Variants in PTK2 observed in about 807,000 individuals in gnomAD.
The protein encoded by PTK2 is focal adhesion kinase 1.
In PTK2, 45 loss-of-function variants were observed where a neutral mutation model predicts 150.1. The ratio of observed to expected loss-of-function variants is 0.30; its 90% CI spans 0.24 to 0.38. PTK2 has a LOEUF of 0.38. Among genes scored for constraint, PTK2 ranks in the 10% least tolerant of loss-of-function variants. PTK2 has a pLI of 1.00. For synonymous variants in PTK2, 432 were observed against 449.2 expected (o/e 0.96, Z 0.48); for missense variants, 919 against 1,307.3 (o/e 0.70, Z 4.58).
intron 29 of PTK2, among the ~76,000 whole-genome samples, chr8:140,671,417 T>C (rs2095386987): frequency 6.6e-6 from 1 of 152,126 alleles, no homozygotes; most frequent in Non-Finnish European, 1.5e-5. Flanking sequence ...AGACAGGGTT[T>C]TGCCATGTTG....
At chr8:140,706,703 G>A (rs1439865484) in intron 23 of PTK2, among the ~76,000 whole-genome samples, 2 of 152,096 alleles carry the variant, frequency 1.3e-5, no homozygotes, top group Non-Finnish European at 2.9e-5. Flanking sequence ...ATTAGTATAT[G>A]ATCCAGCAAT....
intron 1 of PTK2, among the ~76,000 whole-genome samples, chr8:140,930,918 A>C (rs891269745): frequency 1.3e-5 from 2 of 152,118 alleles, no homozygotes; most frequent in Admixed American, 6.5e-5. Flanking sequence ...TACCAAAAAT[A>C]CAAAAATTAG....
intron 14 of PTK2, among the ~76,000 whole-genome samples, chr8:140,772,989 A>G (rs912271704): frequency 6.6e-6 from 1 of 152,192 alleles, no homozygotes; most frequent in Admixed American, 6.5e-5. Context: ...GTTATAACAG[A>G]AGCTACCTCC....
At chr8:140,847,914 G>C (rs1756482847) in intron 5 of PTK2, among the ~76,000 whole-genome samples, 1 of 152,092 alleles carries the variant, frequency 6.6e-6, no homozygotes, top group Non-Finnish European at 1.5e-5. Flanking sequence ...CATACTGGAT[G>C]GTTCCTCATT....
chr8:140,859,748 C>G (rs1014539767), intron 5 of PTK2, among the ~76,000 whole-genome samples: 1 of 137,434 alleles, frequency 7.3e-6, no homozygotes, highest in Non-Finnish European at 1.6e-5. Flanking sequence ...ATCTGTGCCC[C>G]CCCTCCCGCC....
At chr8:140,870,971 G>A (rs2100142141) in intron 4 of PTK2, among the ~76,000 whole-genome samples, 1 of 151,950 alleles carries the variant, frequency 6.6e-6, no homozygotes, top group Non-Finnish European at 1.5e-5. Context: ...AACTGAAGAG[G>A]GTGGGGTGGT....
At chr8:140,669,301 G>GTATGTGTATATATATA (rs547959878) in intron 29 of PTK2, 10 of 97,992 alleles carry the variant, frequency 1.0e-4, no homozygotes, top group African/African-American at 4.7e-4. Context: ...GCATAAAATG[G>GTATGTGTATATATATA]TATATATATA....
At chr8:140,702,517 G>A in intron 25 of PTK2, 53 bp downstream of exon 28, 1 of 1,590,238 alleles carries the variant, frequency 6.3e-7, no homozygotes. Context: ...ACCATGCCCA[G>A]CTTTGCCATG....
chr8:140,756,328 A>AG (rs1021643336), intron 16 of PTK2, among the ~76,000 whole-genome samples: 2 of 151,756 alleles, frequency 1.3e-5, no homozygotes, highest in African/African-American at 4.8e-5. Flanking sequence ...ATCTCAAAAA[A>AG]AAAAAAAAAG....
intron 26 of PTK2, among the ~76,000 whole-genome samples, chr8:140,695,682 A>G (rs1008888175): frequency 2.6e-5 from 4 of 152,144 alleles, no homozygotes; most frequent in African/African-American, 9.7e-5. Flanking sequence ...GATTACAGGC[A>G]TGAGCCACAG....
chr8:140,814,984 C>G (rs959805863), intron 10 of PTK2, among the ~76,000 whole-genome samples: 1 of 152,078 alleles, frequency 6.6e-6, no homozygotes, highest in African/African-American at 2.4e-5. Context: ...CCGTGTTAGC[C>G]AGGATGGTCT....
chr8:140,881,163 T>C (rs1302810788), intron 3 of PTK2, among the ~76,000 whole-genome samples: 1 of 152,186 alleles, frequency 6.6e-6, no homozygotes, highest in African/African-American at 2.4e-5. Flanking sequence ...TCCTGGCTTT[T>C]TGATCCAAGC....
At chr8:140,810,331 T>C (rs2100100699) in intron 10 of PTK2, among the ~76,000 whole-genome samples, 1 of 152,202 alleles carries the variant, frequency 6.6e-6, no homozygotes, top group Admixed American at 6.5e-5. Context: ...CTAGGGGAAC[T>C]GTTGGACCTG....
At chr8:140,751,777 C>T in intron 17 of PTK2, 1 of 373,086 alleles carries the variant, frequency 2.7e-6, no homozygotes, top group South Asian at 2.1e-5. Flanking sequence ...CAAGCGTGAG[C>T]TACCGTGCCC....
chr8:140,919,407 T>G (rs2100166551), intron 2 of PTK2, among the ~76,000 whole-genome samples: 1 of 152,230 alleles, frequency 6.6e-6, no homozygotes, highest in Non-Finnish European at 1.5e-5. Context: ...TCTTCCAAAG[T>G]TCACGGTTTT....
intron 1 of PTK2, among the ~76,000 whole-genome samples, chr8:140,985,513 G>A (rs767544156): frequency 2.6e-5 from 4 of 152,064 alleles, no homozygotes; most frequent in South Asian, 2.1e-4. Context: ...ATCTCCACAC[G>A]GTTCTCATCA....
chr8:140,777,858 G>A (rs2100079322), intron 14 of PTK2, among the ~76,000 whole-genome samples: 1 of 152,154 alleles, frequency 6.6e-6, no homozygotes, highest in Non-Finnish European at 1.5e-5. Flanking sequence ...GAAGAGTCAG[G>A]AAGCCTGACT....
intron 1 of PTK2, among the ~76,000 whole-genome samples, chr8:140,992,142 A>G (rs2100195924): frequency 6.6e-6 from 1 of 151,760 alleles, no homozygotes. Flanking sequence ...AAATACAAAA[A>G]TTGGCCGGGT....
chr8:140,879,078 A>G (rs2100147358), intron 4 of PTK2: 1 of 154,042 alleles, frequency 6.5e-6, no homozygotes, highest in Admixed American at 6.5e-5. Context: ...TTAATAAGGT[A>G]TTTAGGAGTG....
Sources: gnomAD v4.1 joint callset for allele counts (sites outside exome capture counted in the v4.1 genomes callset) on GRCh38, gnomAD v4.1.1 for gene constraint, MANE v1.5 for transcripts, NCBI Gene and HGNC (gene_info 2026-07-23, HGNC 2026-07-21) for gene names.